The following TP53BP1 variants were observed in gnomAD, a reference collection of about 807,000 sequenced individuals.
TP53BP1 encodes the protein tumor protein p53 binding protein 1.
Under a neutral mutation model 200.8 loss-of-function variants are expected in TP53BP1, and 61 were observed. That is an observed-to-expected ratio of 0.30 (90% confidence interval 0.25 to 0.38). The LOEUF is 0.38. Ranked by LOEUF, TP53BP1 falls within the 10% of genes least tolerant of loss-of-function variation. The probability of loss-of-function intolerance (pLI) is 1.00; values close to 1 mark genes in which losing one functional copy is unlikely to be tolerated. For missense variants in TP53BP1, 2,144 were observed against 2,371.9 expected, an observed-to-expected ratio of 0.90 and a Z score of 2.00; for synonymous variants, 822 against 844.3, an observed-to-expected ratio of 0.97 and a Z score of 0.46.
chr15:43,482,311 A>G (rs1364209550), intron 4 of TP53BP1, among the ~76,000 whole-genome samples: 12 of 152,192 alleles, frequency 7.9e-5, no homozygotes, highest in Admixed American at 7.8e-4. Context: ...TAATTTCACA[A>G]TCTATTAATA....
chr15:43,447,055 T>G (rs1013992430), intron 13 of TP53BP1: 4 of 468,762 alleles, frequency 8.5e-6, no homozygotes, highest in African/African-American at 8.0e-5. Context: ...TTACTTCCTG[T>G]TCCATCCTTA....
In TP53BP1 at chr15:43,404,072, C is replaced by A; in HGVS notation, c.*3311G>T. The stretch of plus-strand genomic sequence containing the variant: ...TGTTCTAACTTCCTCACATCCTCCC[C>A]CCTCCTTACTTCCTTGAACTAACCC... On this transcript the variant is annotated 3_prime_UTR_variant, in exon 28 of 28. Transcript: ENST00000382044. 1.9e-6 allele frequency: 1 copy of A among 523,844 alleles called. No homozygotes were observed. Among genetic ancestry groups the A allele is most frequent in the South Asian group, 2.7e-5 (1 of 36,806 alleles). 32.4% of individuals were successfully genotyped at this position (523,844 alleles called of 1,614,324 possible).
intron 14 of TP53BP1, among the ~76,000 whole-genome samples, chr15:43,442,382 G>C (rs998985920): frequency 6.6e-6 from 1 of 151,848 alleles, no homozygotes; most frequent in Non-Finnish European, 1.5e-5. Context: ...CACTGTGCCC[G>C]GCTGGCTATT....
At chr15:43,437,493 A>G (rs1474074326) in intron 16 of TP53BP1, among the ~76,000 whole-genome samples, 1 of 152,058 alleles carries the variant, frequency 6.6e-6, no homozygotes, top group African/African-American at 2.4e-5. Context: ...ATTAGCCGGT[A>G]TGGTGGCGCA....
At position 43,405,453 on chromosome 15, in the gene TP53BP1, G is replaced by A. The variant is rs1169390425; in HGVS notation, c.*1930C>T. On this transcript the variant is annotated 3_prime_UTR_variant, in exon 28 of 28. Coordinates refer to ENST00000382044, the MANE Select transcript of TP53BP1 (RefSeq NM_001141980.3). ...TGGCATCTCTGATCCTTTACATTGA[G>A]AACATTTGTTGGATATGTTCATTTA... is the stretch of plus-strand genomic sequence containing the variant. The A allele has an allele frequency of 3.5e-6, 2 of 576,124 alleles. No individual in the cohort carries two copies. The highest frequency in any genetic ancestry group is 6.2e-6 in the Non-Finnish European group (2 of 323,704). 35.7% of individuals were successfully genotyped at this position (576,124 alleles called of 1,614,324 possible). A position where few individuals can be genotyped will look rare whatever the true frequency, so the allele number is the denominator to read the frequency against.
chr15:43,486,359 G>T (rs1000417881), intron 4 of TP53BP1, among the ~76,000 whole-genome samples: 1 of 152,146 alleles, frequency 6.6e-6, no homozygotes, highest in African/African-American at 2.4e-5. Flanking sequence ...TGGGCAACAA[G>T]AGCGAAACTC....
At chr15:43,412,038 T>C (rs531651332) in intron 24 of TP53BP1, among the ~76,000 whole-genome samples, 1 of 152,270 alleles carries the variant, frequency 6.6e-6, no homozygotes, top group African/African-American at 2.4e-5. Context: ...AAATACCTTA[T>C]TCCCACTGTG....
chr15:43,506,414 G>A (rs138082464), intron 1 of TP53BP1, among the ~76,000 whole-genome samples: 3 of 152,294 alleles, frequency 2.0e-5, no homozygotes, highest in Non-Finnish European at 4.4e-5. Context: ...AAACTTAGCC[G>A]ATACTTTTCA....
Position 43,492,423 on chromosome 15 carries a change from G to A in TP53BP1, c.53C>T (p.Ser18Phe), listed in dbSNP as rs1230564634. The A allele has an allele frequency of 1.2e-6, 2 of 1,614,050 alleles. No homozygotes were observed. Among genetic ancestry groups the A allele is most frequent in the East Asian group, 2.2e-5 (1 of 44,870 alleles). ...TATCAGGCAAGGAGTATCTTGCTGA[G>A]AGAAATCTGAATCCAACTGACTTCC... ...PTGSQLDSDFSQQDTPCLIIE... is the reference protein window; with the variant it reads ...PTGSQLDSDFFQQDTPCLIIE... The change falls in exon 2 of 28, where the codon TCT becomes TTT. Residue 18 changes from serine to phenylalanine, a missense_variant. By Grantham distance (155) the Ser-to-Phe change is radical. Coordinates refer to ENST00000382044, the MANE Select transcript of TP53BP1 (RefSeq NM_001141980.3).
chr15:43,464,477 C>T (rs762153702), intron 11 of TP53BP1, among the ~76,000 whole-genome samples: 1 of 152,156 alleles, frequency 6.6e-6, no homozygotes, highest in Non-Finnish European at 1.5e-5. Context: ...CATGTTCACA[C>T]ACAAACTTGT....
rs1595532876 is a variant in TP53BP1 at position 43,421,567 on chromosome 15, T to A, written c.4100+288A>T. 9.5e-6 allele frequency: 5 copies of A among 527,264 alleles called. No individual in the cohort carries two copies. The East Asian group carries it at 1.7e-4, about 17-fold the overall frequency. The allele number at this position is 527,264 out of a possible 1,614,324, so 32.7% of individuals were successfully genotyped here. On this transcript the variant is annotated intron_variant, in intron 19 of 27. Coordinates refer to ENST00000382044, the MANE Select transcript of TP53BP1 (RefSeq NM_001141980.3). ...ACTCCCAACTAAATCATATAAAGGCTGTGGTAGAAGCAGTGCCCACCAGAT... is the reference window on the plus strand; with the variant it reads ...ACTCCCAACTAAATCATATAAAGGCAGTGGTAGAAGCAGTGCCCACCAGAT...
At chr15:43,504,951 C>T (rs915145480) in intron 1 of TP53BP1, among the ~76,000 whole-genome samples, 4 of 152,030 alleles carry the variant, frequency 2.6e-5, no homozygotes, top group Non-Finnish European at 5.9e-5. Context: ...ACCTGGCAGG[C>T]GGAGGTTGCA....
Position 43,455,925 on chromosome 15 carries a change from G to C in TP53BP1, c.2683C>G (p.His895Asp). The stretch of plus-strand genomic sequence containing the variant: ...CTTTCACAGAAGCTTTGTGAGGCAT[G>C]GGCAGAGGGCTTCCCCAGCTTCTGG... ...EAQKLGKPSA[H>D]ASQSFCESSS... Residue 895 changes from histidine (H) to aspartate (D), a missense_variant, in exon 12 of 28, where the codon CAT becomes GAT. This residue lies in a region of TP53BP1 where 1,700 missense variants were observed against 1,710.3 expected (regional missense o/e 0.99). Coordinates refer to ENST00000382044, the MANE Select transcript of TP53BP1 (RefSeq NM_001141980.3). 6.2e-7 allele frequency: 1 copy of C among 1,614,166 alleles called. No individual in the cohort carries two copies.
intron 15 of TP53BP1, 78 bp from the exon 16 acceptor site, chr15:43,438,494 G>A: frequency 1.6e-6 from 2 of 1,251,008 alleles, no homozygotes; most frequent in Non-Finnish European, 2.2e-6. Context: ...TTTATGCACA[G>A]AGGAAATAAA....
At chr15:43,446,354 C>T in intron 14 of TP53BP1, 33 bp downstream of exon 14, 2 of 1,526,326 alleles carry the variant, frequency 1.3e-6, no homozygotes, top group Non-Finnish European at 9.1e-7. Context: ...TAATCTGCAG[C>T]TACTAATTAC....
intron 11 of TP53BP1, among the ~76,000 whole-genome samples, chr15:43,468,546 C>CAA (rs796416291): frequency 2.5e-5 from 2 of 80,928 alleles, no homozygotes; most frequent in Non-Finnish European, 5.0e-5. Context: ...GATCCTGTCT[C>CAA]AAAAAAAAAA....
Position 43,457,196 on chromosome 15 carries a change from C to T in TP53BP1, c.1412G>A (p.Ser471Asn), listed in dbSNP as rs1327367822. 6.2e-7 allele frequency: 1 copy of T among 1,609,088 alleles called. No homozygotes were observed. The highest frequency in any genetic ancestry group is 1.7e-5 in the Admixed American group (1 of 59,378). The change falls in exon 12 of 28, where the codon AGT becomes AAT. Residue 471 changes from serine to asparagine, a missense_variant. Around this residue, in one of 4 missense-constraint regions of TP53BP1, gnomAD observed 1,700 missense variants for 1,710.3 expected, o/e 0.99. Transcript: ENST00000382044. ...CCCATCATTTGATTGTTCTTCCAGACTTGGGGAAGGAATAAAAATGTCCTA... is the reference window on the plus strand; with the variant it reads ...CCCATCATTTGATTGTTCTTCCAGATTTGGGGAAGGAATAAAAATGTCCTA... Reference protein sequence around the residue: ...FSHDIFIPSPSLEEQSNDGKK... With the variant: ...FSHDIFIPSPNLEEQSNDGKK...
intron 1 of TP53BP1, among the ~76,000 whole-genome samples, chr15:43,503,757 C>T (rs1362645501): frequency 1.3e-5 from 2 of 152,156 alleles, no homozygotes; most frequent in African/African-American, 4.8e-5. Context: ...ACCCTGCCTT[C>T]TCCTGATTCT....
chr15:43,473,911 C>T (rs1267064180), intron 10 of TP53BP1, among the ~76,000 whole-genome samples: 2 of 152,236 alleles, frequency 1.3e-5, no homozygotes, highest in Non-Finnish European at 2.9e-5. Context: ...GGACTAGGTG[C>T]CGTGGAGCAG....
Sources: allele counts gnomAD v4.1 joint callset (sites outside exome capture counted in the v4.1 genomes callset), GRCh38; gene constraint gnomAD v4.1.1; regional missense constraint gnomAD v4.1.1; transcripts MANE v1.5; gene names NCBI Gene and HGNC (gene_info 2026-07-23, HGNC 2026-07-21).